CCBE1: variants seen among roughly 807,000 people sequenced by gnomAD.
CCBE1 encodes collagen and calcium binding EGF domains 1.
Under a neutral mutation model 50.0 loss-of-function variants are expected in CCBE1, and 37 were observed. The observed-to-expected ratio is 0.74, with a 90% CI of 0.57 to 0.97. The LOEUF (loss-of-function observed/expected upper bound fraction) is 0.97, where lower values mean the gene tolerates loss of function less well. Ranked by LOEUF, CCBE1 falls within the 50% of genes least tolerant of loss-of-function variation. The pLI is 0.00. For missense variants in CCBE1, 538 were observed against 523.8 expected (o/e 1.03, Z -0.26); for synonymous variants, 234 against 203.7 (o/e 1.15, Z -1.27).
intron 10 of CCBE1, among the ~76,000 whole-genome samples, chr18:59,436,471 G>C (rs886300759): frequency 1.3e-5 from 2 of 152,180 alleles, no homozygotes; most frequent in Non-Finnish European, 2.9e-5. Context: ...CAGAGCAGTG[G>C]TTAAGAGACT....
chr18:59,624,119 A>G (rs2053746890), intron 2 of CCBE1, among the ~76,000 whole-genome samples: 3 of 152,250 alleles, frequency 2.0e-5, no homozygotes, highest in African/African-American at 4.8e-5. Context: ...GAAGACATCT[A>G]GCTGCCTGCC....
chr18:59,522,739 C>T (rs1054612201), intron 2 of CCBE1, among the ~76,000 whole-genome samples: 1 of 152,076 alleles, frequency 6.6e-6, no homozygotes, highest in African/African-American at 2.4e-5. Context: ...CCTGTAATCC[C>T]AGCACTTTGG....
At chr18:59,604,955 G>A (rs1382663355) in intron 2 of CCBE1, among the ~76,000 whole-genome samples, 1 of 152,224 alleles carries the variant, frequency 6.6e-6, no homozygotes, top group African/African-American at 2.4e-5. Context: ...GCAGCTCCAG[G>A]CCCACCTCAA....
At chr18:59,443,928 G>C (rs1253704351) in intron 7 of CCBE1, among the ~76,000 whole-genome samples, 1 of 152,114 alleles carries the variant, frequency 6.6e-6, no homozygotes, top group Non-Finnish European at 1.5e-5. Context: ...ATAACAACCA[G>C]TCTACTTTCT....
chr18:59,633,335 C>T (rs994197089), intron 2 of CCBE1, among the ~76,000 whole-genome samples: 1 of 152,238 alleles, frequency 6.6e-6, no homozygotes, highest in Admixed American at 6.5e-5. Flanking sequence ...CCAGCTCTTA[C>T]ATTTCCTCTC....
chr18:59,519,915 T>C (rs770552519), intron 2 of CCBE1, among the ~76,000 whole-genome samples: 1 of 152,196 alleles, frequency 6.6e-6, no homozygotes, highest in Non-Finnish European at 1.5e-5. Flanking sequence ...TCCAACTCCA[T>C]TTATTAAATA....
At chr18:59,581,459 A>T (rs894092556) in intron 2 of CCBE1, among the ~76,000 whole-genome samples, 49 of 151,176 alleles carry the variant, frequency 3.2e-4, no homozygotes, top group African/African-American at 1.2e-3. Context: ...AAAAGCCCCA[A>T]AATAACAGAT....
intron 2 of CCBE1, among the ~76,000 whole-genome samples, chr18:59,483,544 A>G (rs975763881): frequency 1.3e-5 from 2 of 152,246 alleles, no homozygotes; most frequent in South Asian, 4.1e-4. Context: ...CAGGTAAATT[A>G]ACATTCCTAG....
At chr18:59,650,257 A>T (rs2054109569) in intron 2 of CCBE1, among the ~76,000 whole-genome samples, 1 of 151,138 alleles carries the variant, frequency 6.6e-6, no homozygotes. Context: ...TCCATTGTCC[A>T]CCCCTGCCCA....
intron 2 of CCBE1, among the ~76,000 whole-genome samples, chr18:59,616,361 T>A (rs1329745428): frequency 1.3e-5 from 2 of 152,218 alleles, no homozygotes; most frequent in Non-Finnish European, 2.9e-5. Context: ...CAGATGTGAT[T>A]AACTCAAGTT....
chr18:59,453,014 A>G (rs112096679), intron 6 of CCBE1, among the ~76,000 whole-genome samples: 6 of 152,338 alleles, frequency 3.9e-5, no homozygotes, highest in African/African-American at 9.6e-5. Context: ...AAGTATTTCA[A>G]TGCAAGTTTC....
chr18:59,491,827 C>CAAACAAACAAACAAACAAACAAACAAAT (rs1555683263), intron 2 of CCBE1, among the ~76,000 whole-genome samples: 1 of 133,340 alleles, frequency 7.5e-6, no homozygotes, highest in African/African-American at 2.6e-5. Context: ...AACAAACAAA[C>CAAACAAACAAACAAACAAACAAACAAAT]AAACAAACAA....
At chr18:59,485,753 G>A (rs2143789373) in intron 2 of CCBE1, among the ~76,000 whole-genome samples, 1 of 152,082 alleles carries the variant, frequency 6.6e-6, no homozygotes, top group African/African-American at 2.4e-5. Flanking sequence ...TGGGATTACA[G>A]GCGCCTGCCA....
chr18:59,634,099 T>G (rs1395210165), intron 2 of CCBE1, among the ~76,000 whole-genome samples: 3 of 151,966 alleles, frequency 2.0e-5, no homozygotes, highest in African/African-American at 7.3e-5. Flanking sequence ...GAGAGAAAAA[T>G]CTGGAATAAA....
At chr18:59,496,517 G>A (rs1001537643) in intron 2 of CCBE1, among the ~76,000 whole-genome samples, 4 of 152,178 alleles carry the variant, frequency 2.6e-5, no homozygotes, top group African/African-American at 9.7e-5. Context: ...AGGAGCAAAG[G>A]ACAGACTCAA....
At chr18:59,625,985 A>G (rs1287210698) in intron 2 of CCBE1, among the ~76,000 whole-genome samples, 1 of 152,190 alleles carries the variant, frequency 6.6e-6, no homozygotes, top group Non-Finnish European at 1.5e-5. Flanking sequence ...CTCTTTTACT[A>G]TATTTTTAAA....
intron 2 of CCBE1, among the ~76,000 whole-genome samples, chr18:59,577,671 C>T (rs2851857): frequency 0.2 from 30,850 of 152,128 alleles, 5,371 homozygotes; most frequent in African/African-American, 0.47. Context: ...TGTGTGTTAG[C>T]GGTTCAACAA....
rs145353549 is a variant in CCBE1 at position 59,686,849 on chromosome 18, C to T, written c.212+9780G>A. Among the ~76,000 whole-genome samples, 7 of 152,262 alleles carry T rather than the reference C, an allele frequency of 4.6e-5. No homozygotes were observed. In the East Asian group the frequency reaches 7.7e-4, roughly 17 times the overall value. ...ACCAATTTTACAGAATTTTTAAAAC[C>T]CTTCAAACTTTCTCAGAGATAAAAG... On this transcript the variant is annotated intron_variant, in intron 2 of 10. Coordinates refer to ENST00000439986, the MANE Select transcript of CCBE1 (RefSeq NM_133459.4).
intron 2 of CCBE1, among the ~76,000 whole-genome samples, chr18:59,576,934 T>C (rs2053006290): frequency 6.6e-6 from 1 of 152,216 alleles, no homozygotes; most frequent in Admixed American, 6.5e-5. Context: ...CCCTAATCCC[T>C]TCTCTCTCTG....
Sources: allele counts gnomAD v4.1 joint callset (sites outside exome capture counted in the v4.1 genomes callset), GRCh38; gene constraint gnomAD v4.1.1; transcripts MANE v1.5; gene names NCBI Gene and HGNC (gene_info 2026-07-23, HGNC 2026-07-21).